Variants in PHKB observed in about 807,000 individuals in gnomAD.
PHKB encodes the protein phosphorylase kinase regulatory subunit beta.
A neutral mutation model predicts 152.1 loss-of-function variants in PHKB; 122 were observed. That is an observed-to-expected ratio of 0.80 (90% CI 0.69 to 0.93). The LOEUF is 0.93. Ranked by LOEUF, PHKB falls within the 40% of genes least tolerant of loss-of-function variation. The probability of loss-of-function intolerance (pLI) is 0.00; values close to 1 mark genes in which losing one functional copy is unlikely to be tolerated. For missense variants in PHKB, 1,304 were observed against 1,328.4 expected (o/e 0.98, Z 0.29); for synonymous variants, 436 against 464.9 (o/e 0.94, Z 0.80).
intron 6 of PHKB, among the ~76,000 whole-genome samples, chr16:47,545,285 C>G (rs1303659641): frequency 1.3e-5 from 2 of 152,094 alleles, no homozygotes; most frequent in South Asian, 2.1e-4. Flanking sequence ...TAAGGCAGGC[C>G]TGGTGGTGAT....
At chr16:47,647,741 C>T (rs1973159507) in intron 16 of PHKB, among the ~76,000 whole-genome samples, 1 of 152,132 alleles carries the variant, frequency 6.6e-6, no homozygotes, top group Non-Finnish European at 1.5e-5. Flanking sequence ...TCGTGATCTG[C>T]CCGCCTCGGC....
rs1973177438 is a variant in PHKB, at chr16:47,648,594, T to C, written c.1670T>C (p.Ile557Thr). The C allele has an allele frequency of 1.2e-6, 2 of 1,612,656 alleles. No homozygotes were observed. The highest frequency in any genetic ancestry group is 3.3e-5 in the Admixed American group (2 of 59,992). The change falls in exon 17 of 31, where the codon ATT becomes ACT. Residue 557 changes from isoleucine to threonine, a missense_variant. Transcript: ENST00000323584. ...LGLSGRPDRPIGCLGTSKIYR... is the reference protein window; with the variant it reads ...LGLSGRPDRPTGCLGTSKIYR... ...CTCTCTGGAAGGCCAGACAGGCCCA[T>C]TGGCTGCCTCGGGACATCAAAGGTA...
At chr16:47,624,316 A>T (rs1220615364) in intron 14 of PHKB, among the ~76,000 whole-genome samples, 1 of 152,212 alleles carries the variant, frequency 6.6e-6, no homozygotes, top group East Asian at 1.9e-4. Context: ...TAATCAGAAG[A>T]AACTATAAAT....
At chr16:47,682,365 C>G (rs1348667280) in intron 26 of PHKB, among the ~76,000 whole-genome samples, 2 of 152,204 alleles carry the variant, frequency 1.3e-5, no homozygotes, top group Admixed American at 1.3e-4. Flanking sequence ...TGTTTTCCAA[C>G]TTGGTTCCAT....
At chr16:47,552,485 C>A (rs1425576195) in intron 7 of PHKB, among the ~76,000 whole-genome samples, 1 of 152,056 alleles carries the variant, frequency 6.6e-6, no homozygotes, top group African/African-American at 2.4e-5. Context: ...CTTAGTTTGG[C>A]TGGATATGAA....
At chr16:47,630,181 A>G (rs1452710550) in intron 14 of PHKB, among the ~76,000 whole-genome samples, 2 of 152,174 alleles carry the variant, frequency 1.3e-5, no homozygotes, top group Non-Finnish European at 2.9e-5. Context: ...TATAAAAAAA[A>G]AGAACTAAAG....
chr16:47,607,096 A>G (rs1204743255), intron 13 of PHKB, among the ~76,000 whole-genome samples: 2 of 151,976 alleles, frequency 1.3e-5, no homozygotes, highest in Admixed American at 6.6e-5. Flanking sequence ...TTTCCTTCCT[A>G]TTATTTTTCT....
At chr16:47,536,395 A>G (rs1186934547) in intron 6 of PHKB, among the ~76,000 whole-genome samples, 1 of 152,186 alleles carries the variant, frequency 6.6e-6, no homozygotes, top group Non-Finnish European at 1.5e-5. Flanking sequence ...TACTTCCTCA[A>G]GAGGCCAGTT....
chr16:47,568,798 A>G (rs575227924), intron 7 of PHKB, among the ~76,000 whole-genome samples: 40 of 152,314 alleles, frequency 2.6e-4, no homozygotes, highest in Non-Finnish European at 5.0e-4. Flanking sequence ...ATTCAGGAGC[A>G]TATGGTTTAA....
Position 47,580,360 on chromosome 16 carries a change from T to C in PHKB, c.774+2T>C. 6.2e-7 allele frequency: 1 copy of C among 1,604,512 alleles called. No individual in the cohort carries two copies. The highest frequency in any genetic ancestry group is 8.5e-7 in the Non-Finnish European group (1 of 1,171,514). On this transcript the variant is annotated splice_donor_variant, in intron 8 of 30. Coordinates refer to ENST00000323584, the MANE Select transcript of PHKB (RefSeq NM_000293.3). LOFTEE classifies it high-confidence loss of function. ...GGATTCAACCTTTTTGGCAACCAGG[T>C]AAAAAATAAGACCCCCAGAATCTTT...
chr16:47,472,820 G>A (rs1969796283), intron 1 of PHKB, among the ~76,000 whole-genome samples: 1 of 151,696 alleles, frequency 6.6e-6, no homozygotes, highest in Non-Finnish European at 1.5e-5. Context: ...TGTGGTGCCT[G>A]GGATGGCTGG....
chr16:47,550,717 T>C (rs1971256654), intron 7 of PHKB, among the ~76,000 whole-genome samples: 1 of 152,206 alleles, frequency 6.6e-6, no homozygotes, highest in African/African-American at 2.4e-5. Context: ...GTTACGAGGA[T>C]GATCCTGGCC....
intron 4 of PHKB, among the ~76,000 whole-genome samples, chr16:47,509,658 A>T (rs1369112895): frequency 6.6e-6 from 1 of 152,168 alleles, no homozygotes; most frequent in East Asian, 1.9e-4. Context: ...TAATTTAGTC[A>T]GTCACATGTA....
rs559386022 is a variant in PHKB at position 47,485,834 on chromosome 16, C to T, written c.77-11565C>T. ...TGGGGTTTCGCCATGTTGCCAAGGC[C>T]GATCTGGGACTCCTGGGCTCAAATG... is the stretch of plus-strand genomic sequence containing the variant. On this transcript the variant is annotated intron_variant, in intron 1 of 30. Transcript: ENST00000323584. Among the ~76,000 whole-genome samples, 26 of 151,958 alleles carry T rather than the reference C, an allele frequency of 1.7e-4. No homozygotes were observed. In the South Asian group the frequency reaches 4.4e-3, roughly 26 times the overall value.
At chr16:47,482,928 C>G (rs890094949) in intron 1 of PHKB, among the ~76,000 whole-genome samples, 1 of 151,880 alleles carries the variant, frequency 6.6e-6, no homozygotes. Context: ...GCCATGTTGT[C>G]CAGGCTGGTC....
chr16:47,675,845 C>T (rs1014991508), intron 26 of PHKB: 3 of 152,186 alleles, frequency 2.0e-5, no homozygotes, highest in African/African-American at 7.2e-5. Context: ...TCTTCCACCA[C>T]AGTAATAAAG....
Position 47,649,142 on chromosome 16 carries a change from A to G in PHKB, c.1735A>G (p.Ile579Val). 6.2e-7 allele frequency: 1 copy of G among 1,611,368 alleles called. No individual in the cohort carries two copies. Among genetic ancestry groups the G allele is most frequent in the South Asian group, 1.1e-5 (1 of 91,022 alleles). ...LGKTVVCYPIIFDLSDFYMSQ... is the reference protein window; with the variant it reads ...LGKTVVCYPIVFDLSDFYMSQ... ...AAAGACTGTGGTTTGTTACCCGATT[A>G]TTTTCGACCTAAGTGATTTCTACAT... Residue 579 changes from isoleucine (I) to valine (V), a missense_variant, in exon 18 of 31, where the codon ATT becomes GTT. Transcript: ENST00000323584.
At chr16:47,656,540 A>G (rs1356833367) in intron 20 of PHKB, among the ~76,000 whole-genome samples, 1 of 152,226 alleles carries the variant, frequency 6.6e-6, no homozygotes, top group Non-Finnish European at 1.5e-5. Context: ...TAAAACATGC[A>G]TAACATAAAA....
intron 14 of PHKB, among the ~76,000 whole-genome samples, chr16:47,620,927 A>G (rs1972607142): frequency 6.6e-6 from 1 of 152,124 alleles, no homozygotes; most frequent in Non-Finnish European, 1.5e-5. Flanking sequence ...GCAGGACAGT[A>G]TAATCTAGCA....
Sources: allele counts gnomAD v4.1 joint callset (sites outside exome capture counted in the v4.1 genomes callset), GRCh38; gene constraint gnomAD v4.1.1; transcripts MANE v1.5; gene names NCBI Gene and HGNC (gene_info 2026-07-23, HGNC 2026-07-21).